C10orf71: variants seen among roughly 807,000 people sequenced by gnomAD.
C10orf71 encodes the protein cardiac-enriched FHL2-interacting protein.
For missense variants in C10orf71, 1,869 were observed against 1,804.5 expected (o/e 1.04, Z -0.65); for synonymous variants, 758 against 726.3 (o/e 1.04, Z -0.70).
chr10:49,324,579 A>G lies in C10orf71; in HGVS notation c.2034A>G (p.Gln678=). ...LENGLSRSVS[Q]ETEPEREAGL... ...ATGGGCTCTCCAGATCTGTGTCCCA[A>G]GAGACAGAACCTGAGAGGGAAGCAG... Residue 678 remains glutamine, a synonymous_variant, in exon 3 of 3, where the codon CAA becomes CAG. Coordinates refer to ENST00000374144, the MANE Select transcript of C10orf71 (RefSeq NM_001135196.2). 1 of 1,613,710 alleles carries G rather than the reference A, an allele frequency of 6.2e-7. No homozygotes were observed. The highest frequency in any genetic ancestry group is 8.5e-7 in the Non-Finnish European group (1 of 1,179,646).
intron 1 of C10orf71, among the ~76,000 whole-genome samples, chr10:49,305,818 T>A (rs1848803138): frequency 6.6e-6 from 1 of 152,268 alleles, no homozygotes; most frequent in Non-Finnish European, 1.5e-5. Context: ...GCCTAAAATT[T>A]CTGGTCTCAG....
At chr10:49,306,168 T>C (rs1475287817) in intron 1 of C10orf71, among the ~76,000 whole-genome samples, 1 of 152,224 alleles carries the variant, frequency 6.6e-6, no homozygotes. Context: ...CTCCTTCTAG[T>C]CCAGGCGTCC....
rs1476054776 is a variant in C10orf71 at position 49,326,048 on chromosome 10, G to A, written c.3503G>A (p.Ser1168Asn). The A allele has an allele frequency of 1.9e-6, 3 of 1,551,718 alleles. No homozygotes were observed. Among genetic ancestry groups the A allele is most frequent in the Non-Finnish European group, 2.6e-6 (3 of 1,146,994 alleles). ...CCTGCACAGCTAGAGAGGACAGCAAGCAAGCCACCTGCAGTCCCACCCAAA... is the reference window on the plus strand; with the variant it reads ...CCTGCACAGCTAGAGAGGACAGCAAACAAGCCACCTGCAGTCCCACCCAAA... ...ELPAQLERTASKPPAVPPKTE... is the reference protein window; with the variant it reads ...ELPAQLERTANKPPAVPPKTE... Residue 1168 changes from serine (S) to asparagine (N), a missense_variant, in exon 3 of 3, where the codon AGC becomes AAC. Coordinates refer to ENST00000374144, the MANE Select transcript of C10orf71 (RefSeq NM_001135196.2).
Position 49,326,297 on chromosome 10 carries a change from C to T in C10orf71, c.3752C>T (p.Ser1251Leu), listed in dbSNP as rs755793390. 5 of 1,549,728 alleles carry T rather than the reference C, an allele frequency of 3.2e-6. No individual in the cohort carries two copies. The highest frequency in any genetic ancestry group is 8.7e-7 in the Non-Finnish European group (1 of 1,146,500). Residue 1251 changes from serine to leucine, a missense_variant, in exon 3 of 3, where the codon TCG (serine) becomes TTG (leucine). By Grantham distance (145) the Ser-to-Leu change is moderately radical. Coordinates refer to ENST00000374144, the MANE Select transcript of C10orf71 (RefSeq NM_001135196.2). The part of the protein sequence containing the change: ...PVHRHSVSGF[S>L]EPVGRRPGGP... ...CACCGCCACTCCGTGTCCGGCTTCTCGGAGCCTGTCGGGAGGCGGCCCGGG... is the reference window on the plus strand; with the variant it reads ...CACCGCCACTCCGTGTCCGGCTTCTTGGAGCCTGTCGGGAGGCGGCCCGGG...
At chr10:49,311,216 C>A (rs865945240) in intron 1 of C10orf71, among the ~76,000 whole-genome samples, 1 of 152,206 alleles carries the variant, frequency 6.6e-6, no homozygotes, top group Non-Finnish European at 1.5e-5. Context: ...GTCCTATGGA[C>A]CTGACAAGCT....
In C10orf71 at chr10:49,325,468, G is replaced by A. The variant is rs1396115985; in HGVS notation, c.2923G>A (p.Asp975Asn). 5.8e-6 allele frequency: 9 copies of A among 1,550,592 alleles called. No individual in the cohort carries two copies. The highest frequency in any genetic ancestry group is 1.7e-4 in the Middle Eastern group (1 of 6,008). ...GEGDRVKAPP[D>N]AAPGLVASNC... ...GGGGGACCGGGTGAAGGCACCACCA[G>A]ATGCTGCACCTGGCCTCGTGGCAAG... Residue 975 changes from aspartate to asparagine, a missense_variant, in exon 3 of 3, where the codon GAT becomes AAT. Physicochemically the swap from Asp to Asn is conservative, Grantham distance 23. Transcript: ENST00000374144.
upstream of C10orf71, among the ~76,000 whole-genome samples, chr10:49,297,808 G>A (rs1848661905): frequency 1.3e-5 from 2 of 152,162 alleles, no homozygotes; most frequent in African/African-American, 2.4e-5. Flanking sequence ...TTTGGCATGC[G>A]TTTGTTTTGG....
intron 2 of C10orf71, among the ~76,000 whole-genome samples, chr10:49,319,682 CTA>C (rs60174377): frequency 0.018 from 2,063 of 116,740 alleles, 14 homozygotes; most frequent in Non-Finnish European, 0.021. Flanking sequence ...CACACACAAG[CTA>C]TATATATATA....
rs558936140 is a variant in C10orf71, at chr10:49,310,359, T to C, written c.-247-5786T>C. Among the ~76,000 whole-genome samples, 3 of 152,250 alleles carry C rather than the reference T, an allele frequency of 2.0e-5. No homozygotes were observed. The East Asian group carries it at 5.8e-4, about 29-fold the overall frequency. On this transcript the variant is annotated intron_variant, in intron 1 of 2. Transcript: ENST00000374144. Reference sequence around the variant, plus strand: ...CCCATGAACTCCAGCCCATGAGCCATAAGCGGGGCTGGCAACACCTCCCAG... The same window carrying C: ...CCCATGAACTCCAGCCCATGAGCCACAAGCGGGGCTGGCAACACCTCCCAG...
At chr10:49,319,288 T>C (rs965599539) in intron 2 of C10orf71, among the ~76,000 whole-genome samples, 1 of 151,224 alleles carries the variant, frequency 6.6e-6, no homozygotes. Flanking sequence ...TCAGACAGGA[T>C]CCACAAGAGA....
intron 2 of C10orf71, among the ~76,000 whole-genome samples, chr10:49,317,735 C>G (rs189627356): frequency 6.4e-4 from 98 of 152,258 alleles, no homozygotes; most frequent in African/African-American, 2.1e-3. Flanking sequence ...CCTGTAATCC[C>G]AGCTACTTGG....
rs1849117167 is a variant in C10orf71, at chr10:49,322,689, C to T, written c.144C>T (p.Phe48=). The T allele has an allele frequency of 3.1e-6, 5 of 1,613,790 alleles. No homozygotes were observed. The highest frequency in any genetic ancestry group is 3.4e-6 in the Non-Finnish European group (4 of 1,179,844). Residue 48 remains phenylalanine (F), a synonymous_variant, in exon 3 of 3, where the codon TTC becomes TTT. Transcript: ENST00000374144. ...TGTGCATCTCCGAGGACACATCCTT[C>T]CATGACTCCTATCTGGCTGTGTCCC... is the stretch of plus-strand genomic sequence containing the variant. ...RSLCISEDTS[F]HDSYLAVSPD...
intron 1 of C10orf71, among the ~76,000 whole-genome samples, chr10:49,313,082 A>T (rs1173500376): frequency 2.6e-5 from 4 of 152,200 alleles, no homozygotes; most frequent in African/African-American, 9.7e-5. Flanking sequence ...AGCAGGAGGG[A>T]CAAACATTTA....
At chr10:49,319,693 T>TATAC (rs1292208978) in intron 2 of C10orf71, among the ~76,000 whole-genome samples, 1 of 10,534 alleles carries the variant, frequency 9.5e-5, no homozygotes, top group Non-Finnish European at 2.3e-4. Flanking sequence ...TATATATATA[T>TATAC]ATATATATAT....
chr10:49,297,510 C>G (rs566611366), upstream of C10orf71, among the ~76,000 whole-genome samples: 2 of 152,156 alleles, frequency 1.3e-5, no homozygotes, highest in Admixed American at 6.5e-5. Flanking sequence ...AATGTTGATA[C>G]AGATGGTTGA....
At chr10:49,304,147 G>A (rs1848773674) in intron 1 of C10orf71, among the ~76,000 whole-genome samples, 1 of 152,196 alleles carries the variant, frequency 6.6e-6, no homozygotes, top group Admixed American at 6.5e-5. Context: ...CTCCCTGGCG[G>A]GACCAGATGC....
rs1481733223 is a variant in C10orf71 at position 49,323,928 on chromosome 10, C to G, written c.1383C>G (p.Asp461Glu). The G allele has an allele frequency of 6.2e-7, 1 of 1,613,466 alleles. No individual in the cohort carries two copies. Among genetic ancestry groups the G allele is most frequent in the Non-Finnish European group, 8.5e-7 (1 of 1,179,630 alleles). ...GCAAGCACGCCCTGGATTCAGCAGA[C>G]AGCCAGCCAGCAGAGCGAACCCCAT... ...IPSKHALDSA[D>E]SQPAERTPSP... is the part of the protein sequence containing the mutation. Residue 461 changes from aspartate (D) to glutamate (E), a missense_variant, in exon 3 of 3, where the codon GAC becomes GAG. Transcript: ENST00000374144.
At chr10:49,306,338 C>T (rs542137124) in intron 1 of C10orf71, among the ~76,000 whole-genome samples, 4 of 152,330 alleles carry the variant, frequency 2.6e-5, no homozygotes, top group East Asian at 1.9e-4. Flanking sequence ...CGGGCACAGC[C>T]GGGCTGATTT....
rs10857470 is a variant in C10orf71 at position 49,325,418 on chromosome 10, T to A, written c.2873T>A (p.Phe958Tyr). ...EASQPAPKGN[F>Y]PSMPLVGEGD... ...TCTCAGCCAGCCCCAAAGGGGAATT[T>A]CCCATCTATGCCTCTGGTGGGAGAG... Residue 958 changes from phenylalanine (F) to tyrosine (Y), a missense_variant, in exon 3 of 3, where the codon TTC becomes TAC. Phe to Tyr is a conservative substitution (Grantham distance 22). Transcript: ENST00000374144. 0.12 allele frequency: 186,136 copies of A among 1,549,990 alleles called. 11,947 individuals carry two copies. The highest frequency in any genetic ancestry group is 0.15 in the South Asian group (12,921 of 83,988).
Sources: gnomAD v4.1 joint callset for allele counts (sites outside exome capture counted in the v4.1 genomes callset) on GRCh38, gnomAD v4.1.1 for gene constraint, MANE v1.5 for transcripts, NCBI Gene and HGNC (gene_info 2026-07-23, HGNC 2026-07-21) for gene names.